Variants in ZNF438 observed in about 807,000 individuals in gnomAD.
ZNF438 encodes zinc finger protein 438.
Under a neutral mutation model 38.0 loss-of-function variants are expected in ZNF438, and 25 were observed. That is an observed-to-expected ratio of 0.66 (90% CI 0.48 to 0.92). The LOEUF (loss-of-function observed/expected upper bound fraction) is 0.92. Among genes scored for constraint, ZNF438 ranks in the 40% least tolerant of loss-of-function variants. ZNF438 has a pLI of 0.00. For synonymous variants in ZNF438, 372 were observed against 364.1 expected (o/e 1.02, Z -0.25); for missense variants, 1,007 against 999.6 (o/e 1.01, Z -0.10).
intron 1 of ZNF438, among the ~76,000 whole-genome samples, chr10:31,017,022 G>A (rs895660715): frequency 3.9e-5 from 6 of 152,192 alleles, no homozygotes; most frequent in East Asian, 3.9e-4. Context: ...CCAGCGGCTC[G>A]CAAACTAACA....
intron 2 of ZNF438, among the ~76,000 whole-genome samples, chr10:30,934,159 G>GAA (rs34603319): frequency 0.13 from 19,047 of 144,406 alleles, 1,561 homozygotes; most frequent in Middle Eastern, 0.25. Flanking sequence ...AAAAGAAAAA[G>GAA]AAAAAAAAAA....
At chr10:30,850,233 G>A (rs199999473) in exon 5 of ZNF438, 13 of 1,614,050 alleles carry the variant, frequency 8.1e-6, no homozygotes, top group Admixed American at 3.3e-5. Flanking sequence ...TGATCAGAGC[G>A]TGATGGTGAA....
chr10:31,021,713 C>A (rs2056609073), intron 1 of ZNF438, among the ~76,000 whole-genome samples: 4 of 152,132 alleles, frequency 2.6e-5, no homozygotes, highest in South Asian at 4.1e-4. Flanking sequence ...GCAGCAGAGA[C>A]AACTCACAAC....
intron 4 of ZNF438, among the ~76,000 whole-genome samples, chr10:30,874,065 CAAAT>C (rs1206946591): frequency 3.5e-5 from 5 of 144,846 alleles, no homozygotes; most frequent in African/African-American, 1.3e-4. Flanking sequence ...TGCAATTAAA[CAAAT>C]ATATATGTAA....
At chr10:30,972,374 T>G (rs2050841942) in intron 1 of ZNF438, among the ~76,000 whole-genome samples, 1 of 152,220 alleles carries the variant, frequency 6.6e-6, no homozygotes, top group Non-Finnish European at 1.5e-5. Context: ...TCTGTGCTCT[T>G]GCTAATTTCT....
At chr10:30,928,172 T>G (rs2045188838) in intron 2 of ZNF438, among the ~76,000 whole-genome samples, 1 of 152,186 alleles carries the variant, frequency 6.6e-6, no homozygotes, top group Non-Finnish European at 1.5e-5. Context: ...TTATAATATT[T>G]ACACACTAGA....
intron 1 of ZNF438, among the ~76,000 whole-genome samples, chr10:30,985,362 A>G (rs765081949): frequency 6.6e-6 from 1 of 152,206 alleles, no homozygotes; most frequent in Non-Finnish European, 1.5e-5. Context: ...TTTCATCTAG[A>G]TCCAATGACT....
At chr10:31,013,516 CA>C (rs2055915942) in intron 1 of ZNF438, among the ~76,000 whole-genome samples, 1 of 152,046 alleles carries the variant, frequency 6.6e-6, no homozygotes, top group Admixed American at 6.5e-5. Context: ...TCCACAGAAA[CA>C]AAAGAGGGGT....
rs528613801 is a variant in ZNF438, at chr10:30,979,389, C to T, written c.-191-37738G>A. On this transcript the variant is annotated intron_variant, in intron 1 of 5. Coordinates refer to ENST00000413025, the Ensembl canonical transcript of ZNF438. ...TCCCCATCAAGCTACCACTGCCTTTCTTCACAAAACTGGATAGAACTACTT... is the reference window on the plus strand; with the variant it reads ...TCCCCATCAAGCTACCACTGCCTTTTTTCACAAAACTGGATAGAACTACTT... 2.6e-5 allele frequency among the ~76,000 whole-genome samples: 4 copies of T among 152,308 alleles called. No homozygotes were observed. In the East Asian group the frequency reaches 7.7e-4, roughly 29 times the overall value.
chr10:30,925,701 A>G (rs572143335), intron 2 of ZNF438, among the ~76,000 whole-genome samples: 2 of 152,270 alleles, frequency 1.3e-5, no homozygotes, highest in East Asian at 1.9e-4. Flanking sequence ...CTGAATGCCA[A>G]CTTCCAGGTT....
intron 3 of ZNF438, among the ~76,000 whole-genome samples, chr10:30,884,460 A>T (rs2039688027): frequency 6.6e-6 from 1 of 152,192 alleles, no homozygotes. Context: ...TCCTTGAGTA[A>T]GTGTGCATTT....
intron 1 of ZNF438, among the ~76,000 whole-genome samples, chr10:30,988,015 G>A (rs1043496615): frequency 6.6e-6 from 1 of 152,074 alleles, no homozygotes; most frequent in Non-Finnish European, 1.5e-5. Context: ...CTACAATTTA[G>A]CAGCATCTAA....
intron 2 of ZNF438, among the ~76,000 whole-genome samples, chr10:30,934,790 G>C (rs1329873746): frequency 1.3e-5 from 2 of 152,122 alleles, no homozygotes. Flanking sequence ...AGACCTATTT[G>C]CTATGGTATA....
At chr10:31,023,719 TAA>T (rs144438408) in intron 1 of ZNF438, among the ~76,000 whole-genome samples, 4,624 of 152,282 alleles carry the variant, frequency 0.03, 85 homozygotes, top group South Asian at 0.083. Context: ...AATCCATCCT[TAA>T]AGTCTACTCA....
intron 1 of ZNF438, among the ~76,000 whole-genome samples, chr10:31,022,925 C>T (rs1452024318): frequency 1.3e-5 from 2 of 152,106 alleles, no homozygotes; most frequent in African/African-American, 4.8e-5. Context: ...AATGAACAAA[C>T]TTATTTCTCA....
chr10:30,996,765 T>C (rs1197235615), intron 1 of ZNF438, among the ~76,000 whole-genome samples: 1 of 152,056 alleles, frequency 6.6e-6, no homozygotes, highest in African/African-American at 2.4e-5. Context: ...TAAGTGCACA[T>C]GAAACATTTT....
chr10:30,904,980 C>G (rs1234890427), intron 3 of ZNF438, among the ~76,000 whole-genome samples: 1 of 152,140 alleles, frequency 6.6e-6, no homozygotes, highest in Non-Finnish European at 1.5e-5. Flanking sequence ...AGACAAGAAG[C>G]TCTAGAGGGT....
At chr10:31,005,420 T>C (rs1157004597) in intron 1 of ZNF438, among the ~76,000 whole-genome samples, 1 of 152,150 alleles carries the variant, frequency 6.6e-6, no homozygotes, top group African/African-American at 2.4e-5. Flanking sequence ...AAATGCATGA[T>C]TTCACTTATA....
chr10:31,000,533 T>C (rs1476575083), intron 1 of ZNF438, among the ~76,000 whole-genome samples: 1 of 152,212 alleles, frequency 6.6e-6, no homozygotes. Flanking sequence ...ATTTCTGTTA[T>C]CATGGCCCTG....
Sources: allele counts gnomAD v4.1 joint callset (sites outside exome capture counted in the v4.1 genomes callset), GRCh38; gene constraint gnomAD v4.1.1; transcripts MANE v1.5; gene names NCBI Gene and HGNC (gene_info 2026-07-23, HGNC 2026-07-21).